KCNMA1: variants seen among roughly 807,000 people sequenced by gnomAD.
KCNMA1 encodes Calcium-activated potassium channel subunit alpha-1.
A neutral mutation model predicts 140.0 loss-of-function variants in KCNMA1; 29 were observed. The observed-to-expected ratio is 0.21, with a 90% CI of 0.15 to 0.28. KCNMA1 has a LOEUF of 0.28. KCNMA1 is among the 10% of genes least tolerant of loss of function. The probability of loss-of-function intolerance (pLI) is 1.00; values close to 1 mark genes in which losing one functional copy is unlikely to be tolerated. For missense variants in KCNMA1, 880 were observed against 1,602.2 expected, an observed-to-expected ratio of 0.55 and a Z score of 7.70; for synonymous variants, 612 against 611.9, an observed-to-expected ratio of 1.00 and a Z score of 0.00.
At chr10:77,603,278 G>A (rs1357366703) in intron 1 of KCNMA1, among the ~76,000 whole-genome samples, 2 of 152,154 alleles carry the variant, frequency 1.3e-5, no homozygotes, top group Admixed American at 6.5e-5. Context: ...AGTCAGGCTT[G>A]CACAGCTTCC....
chr10:77,234,510 A>C (rs2054727956), intron 3 of KCNMA1, among the ~76,000 whole-genome samples: 1 of 152,268 alleles, frequency 6.6e-6, no homozygotes, highest in Non-Finnish European at 1.5e-5. Context: ...AATCAGCAGC[A>C]ATTTTCTAAA....
intron 1 of KCNMA1, among the ~76,000 whole-genome samples, chr10:77,598,772 G>T (rs941093472): frequency 6.6e-5 from 10 of 152,316 alleles, no homozygotes; most frequent in Non-Finnish European, 1.3e-4. Context: ...CGCATCCAGT[G>T]CAGCAAGCGT....
At chr10:77,347,350 C>A (rs1348655838) in intron 2 of KCNMA1, among the ~76,000 whole-genome samples, 7 of 152,172 alleles carry the variant, frequency 4.6e-5, no homozygotes, top group Non-Finnish European at 1.5e-5. Context: ...AGTTAAGTAA[C>A]CTGCACAAAG....
At chr10:77,572,755 C>T (rs79160419) in intron 1 of KCNMA1, among the ~76,000 whole-genome samples, 3 of 120,218 alleles carry the variant, frequency 2.5e-5, no homozygotes, top group Non-Finnish European at 5.2e-5. Flanking sequence ...GATCTTGTCT[C>T]AAAAAAAAAA....
At chr10:77,581,187 G>A (rs1200573332) in intron 1 of KCNMA1, among the ~76,000 whole-genome samples, 2 of 152,148 alleles carry the variant, frequency 1.3e-5, no homozygotes, top group East Asian at 1.9e-4. Context: ...CAGGCAGTAG[G>A]ACTCCAGCAC....
chr10:77,451,021 T>A (rs192947807), intron 1 of KCNMA1, among the ~76,000 whole-genome samples: 105 of 152,316 alleles, frequency 6.9e-4, no homozygotes, highest in Non-Finnish European at 1.2e-3. Context: ...CTCATTTACC[T>A]TCTGCCATGA....
chr10:77,367,382 G>T (rs968534011), intron 2 of KCNMA1, among the ~76,000 whole-genome samples: 1 of 152,174 alleles, frequency 6.6e-6, no homozygotes, highest in African/African-American at 2.4e-5. Context: ...TCTCAGCGTA[G>T]GAATGAAATG....
chr10:77,011,407 T>C (rs1409124607), intron 18 of KCNMA1, among the ~76,000 whole-genome samples: 3 of 152,184 alleles, frequency 2.0e-5, no homozygotes, highest in Non-Finnish European at 4.4e-5. Flanking sequence ...GGTCGACCTT[T>C]GGACGATGGC....
intron 1 of KCNMA1, among the ~76,000 whole-genome samples, chr10:77,481,774 C>CAA (rs61269933): frequency 1.7e-4 from 22 of 132,824 alleles, no homozygotes; most frequent in Admixed American, 1.4e-3. Flanking sequence ...GACTCTGTCT[C>CAA]AAAAAAAAAA....
At chr10:77,316,656 G>A (rs1312680313) in intron 2 of KCNMA1, among the ~76,000 whole-genome samples, 1 of 152,132 alleles carries the variant, frequency 6.6e-6, no homozygotes, top group Non-Finnish European at 1.5e-5. Flanking sequence ...GGCTATCTAT[G>A]CTGGAACCCT....
intron 3 of KCNMA1, among the ~76,000 whole-genome samples, chr10:77,237,748 C>T (rs1279065585): frequency 6.6e-6 from 1 of 152,158 alleles, no homozygotes; most frequent in Non-Finnish European, 1.5e-5. Context: ...CATTTTCATT[C>T]CCCGCCAGAG....
intron 18 of KCNMA1, among the ~76,000 whole-genome samples, chr10:77,006,109 C>T (rs1325504920): frequency 6.6e-6 from 1 of 152,184 alleles, no homozygotes; most frequent in Non-Finnish European, 1.5e-5. Context: ...CACCATCTGC[C>T]ACCTGCATCA....
intron 23 of KCNMA1, among the ~76,000 whole-genome samples, chr10:76,918,986 A>G (rs1004545205): frequency 1.3e-5 from 2 of 151,842 alleles, no homozygotes; most frequent in Non-Finnish European, 2.9e-5. Context: ...CATACAAAGG[A>G]ATTAATTAAC....
At chr10:77,418,756 T>C (rs1197681857) in intron 1 of KCNMA1, among the ~76,000 whole-genome samples, 1 of 152,150 alleles carries the variant, frequency 6.6e-6, no homozygotes, top group Non-Finnish European at 1.5e-5. Context: ...ACTTTCTAAA[T>C]TGGTGAATCT....
At chr10:76,879,927 T>TAAAGATGATTTTCAG, downstream of KCNMA1, among the ~76,000 whole-genome samples, 1 of 152,292 alleles carries the variant, frequency 6.6e-6, no homozygotes, top group East Asian at 1.9e-4. Flanking sequence ...GGTTTATGTG[T>TAAAGATGATTTTCAG]AAAGATGATT....
chr10:77,126,030 A>G (rs1383041384), intron 5 of KCNMA1, among the ~76,000 whole-genome samples: 1 of 152,226 alleles, frequency 6.6e-6, no homozygotes, highest in East Asian at 1.9e-4. Flanking sequence ...AAGACTACAG[A>G]CAGCGACTTC....
chr10:77,634,304 C>G (rs2093512680), intron 1 of KCNMA1: 1 of 985,266 alleles, frequency 1.0e-6, no homozygotes, highest in African/African-American at 1.7e-5. Context: ...TGACCAAGTT[C>G]CCAACAGGAG....
intron 2 of KCNMA1, among the ~76,000 whole-genome samples, chr10:77,326,400 T>C (rs541558606): frequency 1.3e-5 from 2 of 152,320 alleles, no homozygotes; most frequent in African/African-American, 4.8e-5. Context: ...ACAAGGATGG[T>C]TCACAATAGA....
intron 16 of KCNMA1, among the ~76,000 whole-genome samples, chr10:77,026,419 G>T (rs1212563674): frequency 6.6e-6 from 1 of 152,168 alleles, no homozygotes; most frequent in Non-Finnish European, 1.5e-5. Flanking sequence ...AAAAATCCAG[G>T]ATACATACAG....
Sources: allele counts gnomAD v4.1 joint callset (sites outside exome capture counted in the v4.1 genomes callset), GRCh38; gene constraint gnomAD v4.1.1; transcripts MANE v1.5; gene names NCBI Gene and HGNC (gene_info 2026-07-23, HGNC 2026-07-21).